Variants in PRDM2 observed in about 807,000 individuals in gnomAD.
The protein encoded by PRDM2 is PR domain zinc finger protein 2.
In PRDM2, 30 loss-of-function variants were observed where a neutral mutation model predicts 130.0. The observed-to-expected ratio is 0.23, with a 90% confidence interval of 0.17 to 0.31. The LOEUF is 0.31. PRDM2 is among the 10% of genes least tolerant of loss of function. PRDM2 has a pLI of 1.00. For synonymous variants in PRDM2, 871 were observed against 782.4 expected (o/e 1.11, Z -1.89); for missense variants, 2,011 against 2,108.4 (o/e 0.95, Z 0.90).
At chr1:13,717,252 A>G (rs1338841894) in intron 2 of PRDM2, among the ~76,000 whole-genome samples, 3 of 152,154 alleles carry the variant, frequency 2.0e-5, no homozygotes, top group Non-Finnish European at 4.4e-5. Context: ...AACAGAGTGG[A>G]TTTTCACAGT....
chr1:13,749,900 C>T (rs1443008726), intron 6 of PRDM2, among the ~76,000 whole-genome samples: 2 of 152,110 alleles, frequency 1.3e-5, no homozygotes, highest in Non-Finnish European at 2.9e-5. Flanking sequence ...GCTAGCTTGA[C>T]AGCCCCGGCT....
At chr1:13,754,535 A>G (rs902490711) in intron 6 of PRDM2, among the ~76,000 whole-genome samples, 1 of 152,076 alleles carries the variant, frequency 6.6e-6, no homozygotes, top group Admixed American at 6.5e-5. Flanking sequence ...GTCCACTCCT[A>G]CATGCAGTTG....
chr1:13,704,352 C>T (rs1419278919), intron 1 of PRDM2, among the ~76,000 whole-genome samples: 1 of 141,406 alleles, frequency 7.1e-6, no homozygotes, highest in African/African-American at 2.6e-5. Flanking sequence ...AATATGCTTA[C>T]AGTATTTTTC....
At chr1:13,721,430 A>G (rs1168869329) in intron 2 of PRDM2, among the ~76,000 whole-genome samples, 2 of 151,908 alleles carry the variant, frequency 1.3e-5, no homozygotes, top group Admixed American at 6.6e-5. Context: ...AGATAATTAT[A>G]AATATGAATC....
intron 8 of PRDM2, among the ~76,000 whole-genome samples, chr1:13,786,197 ATCGCAG>A (rs1261386372): frequency 1.3e-5 from 2 of 152,056 alleles, no homozygotes; most frequent in African/African-American, 2.4e-5. Context: ...CCGAGTTCCC[ATCGCAG>A]TCAAGAAAAA....
intron 8 of PRDM2, among the ~76,000 whole-genome samples, chr1:13,795,464 CTCG>C: frequency 6.6e-6 from 1 of 152,314 alleles, no homozygotes; most frequent in African/African-American, 2.4e-5. Flanking sequence ...TGTGCTACCT[CTCG>C]TCTGTGGATC....
At chr1:13,733,962 A>T (rs1443493857) in intron 4 of PRDM2, among the ~76,000 whole-genome samples, 1 of 152,200 alleles carries the variant, frequency 6.6e-6, no homozygotes, top group East Asian at 1.9e-4. Flanking sequence ...TTCATCAAGA[A>T]GTTCTGTGGC....
chr1:13,706,877 A>G (rs1326535373), intron 1 of PRDM2, among the ~76,000 whole-genome samples: 1 of 152,100 alleles, frequency 6.6e-6, no homozygotes, highest in Non-Finnish European at 1.5e-5. Context: ...CATTGCCATT[A>G]TTTTTAAATG....
At chr1:13,717,116 C>A (rs1463994079) in intron 2 of PRDM2, among the ~76,000 whole-genome samples, 3 of 152,124 alleles carry the variant, frequency 2.0e-5, no homozygotes, top group Non-Finnish European at 1.5e-5. Context: ...GGACATATGT[C>A]ATAAAAAACG....
At chr1:13,762,617 C>T (rs982391055) in intron 6 of PRDM2, among the ~76,000 whole-genome samples, 1 of 152,166 alleles carries the variant, frequency 6.6e-6, no homozygotes, top group Non-Finnish European at 1.5e-5. Flanking sequence ...ATTACTTTAC[C>T]CCTATATTGG....
intron 6 of PRDM2, 131 bp from the exon 7 acceptor site, chr1:13,772,947 C>G (rs1007480991): frequency 1.9e-6 from 1 of 538,756 alleles, no homozygotes; most frequent in Admixed American, 4.0e-5. Context: ...GTGGTAATTG[C>G]CCAGGAATAT....
chr1:13,820,082 G>A (rs1570139316), intron 9 of PRDM2, among the ~76,000 whole-genome samples: 1 of 152,314 alleles, frequency 6.6e-6, no homozygotes, highest in East Asian at 1.9e-4. Context: ...TGACACGGAG[G>A]GGCGTGTGGC....
intron 1 of PRDM2, among the ~76,000 whole-genome samples, chr1:13,700,878 A>ACG (rs1473231244): frequency 1.3e-5 from 2 of 151,914 alleles, no homozygotes; most frequent in African/African-American, 4.8e-5. Context: ...GTGTGTGCGC[A>ACG]CGCGCGCGTG....
chr1:13,752,502 A>G (rs1487661767), intron 6 of PRDM2, among the ~76,000 whole-genome samples: 1 of 152,246 alleles, frequency 6.6e-6, no homozygotes, highest in African/African-American at 2.4e-5. Context: ...TAATTATAAA[A>G]TAGCATAGAA....
At position 13,789,686 on chromosome 1, in the gene PRDM2, A is replaced by G. The variant is rs77256720; in HGVS notation, c.5036+6855A>G. Among the ~76,000 whole-genome samples, 754 of 152,324 alleles carry G rather than the reference A, an allele frequency of 4.9e-3. 8 individuals are homozygous for G. The highest frequency in any genetic ancestry group is 0.017 in the African/African-American group (717 of 41,586). ...TCATGTGGGTTTTGATTTGATATTG[A>G]ACCTCGCTTTGAATATATTGACTTG... On this transcript the variant is annotated intron_variant, in intron 8 of 9. Transcript: ENST00000311066.
chr1:13,823,290 C>A lies in PRDM2; in HGVS notation c.*155C>A. The A allele has an allele frequency of 1.5e-6, 2 of 1,317,600 alleles. No individual in the cohort carries two copies. Among genetic ancestry groups the A allele is most frequent in the South Asian group, 1.2e-5 (1 of 81,194 alleles). The allele number at this position is 1,317,600 out of a possible 1,614,324, so 81.6% of individuals were successfully genotyped here. The stretch of plus-strand genomic sequence containing the variant: ...ATGTGCGCGCGTGCATGTGTGCGTG[C>A]GTGTGTGTTCACGTGTTCTCGTGCG... On this transcript the variant is annotated 3_prime_UTR_variant, in exon 10 of 10. Transcript: ENST00000311066.
chr1:13,790,744 T>TTGG (rs2308039), intron 8 of PRDM2, among the ~76,000 whole-genome samples: 35,082 of 152,034 alleles, frequency 0.23, 4,329 homozygotes, highest in South Asian at 0.36. Flanking sequence ...AAACTGCTCC[T>TTGG]TGGTGCCATG....
intron 8 of PRDM2, among the ~76,000 whole-genome samples, chr1:13,807,682 C>T (rs1557673079): frequency 6.6e-6 from 1 of 152,154 alleles, no homozygotes; most frequent in Non-Finnish European, 1.5e-5. Context: ...CACTGGAAAT[C>T]TGAATGACTG....
Position 13,778,672 on chromosome 1 carries a change from G to T in PRDM2, c.877G>T (p.Gly293Trp). The T allele has an allele frequency of 1.9e-6, 3 of 1,614,172 alleles. No homozygotes were observed. Among genetic ancestry groups the T allele is most frequent in the Non-Finnish European group, 2.5e-6 (3 of 1,180,036 alleles). Reference protein sequence around the residue: ...DDDDDELEDEGEEEASMPNEN... With the variant: ...DDDDDELEDEWEEEASMPNEN... ...TGATGATGATGAGTTGGAAGACGAG[G>T]GGGAAGAAGAAGCCAGCATGCCAAA... The change falls in exon 8 of 10, where the codon GGG (glycine) becomes TGG (tryptophan). Residue 293 changes from glycine to tryptophan, a missense_variant. Around this residue, in one of 5 missense-constraint regions of PRDM2, gnomAD observed 1,288 missense variants for 1,237.7 expected, o/e 1.04. Coordinates refer to ENST00000311066, the MANE Select transcript of PRDM2 (RefSeq NM_001393986.1).
Sources: allele counts gnomAD v4.1 joint callset (sites outside exome capture counted in the v4.1 genomes callset), GRCh38; gene constraint gnomAD v4.1.1; regional missense constraint gnomAD v4.1.1; transcripts MANE v1.5; gene names NCBI Gene and HGNC (gene_info 2026-07-23, HGNC 2026-07-21).